NPLOC4: variants seen among roughly 807,000 people sequenced by gnomAD.
NPLOC4 encodes the protein nuclear protein localization protein 4 homolog.
NPLOC4 carries 18 observed loss-of-function variants against 80.6 expected under a neutral mutation model. The ratio of observed to expected loss-of-function variants is 0.22; its 90% CI spans 0.15 to 0.33. NPLOC4 has a LOEUF of 0.33. Among genes scored for constraint, NPLOC4 ranks in the 10% least tolerant of loss-of-function variants. NPLOC4 has a pLI of 1.00. For missense variants in NPLOC4, 540 were observed against 786.1 expected (o/e 0.69, Z 3.74); for synonymous variants, 313 against 301.5 (o/e 1.04, Z -0.39).
At position 81,572,325 on chromosome 17, in the gene NPLOC4, A is replaced by C. The variant is rs1339684691; in HGVS notation, c.1282-237T>G. Among the ~76,000 whole-genome samples, 2 of 151,884 alleles carry C rather than the reference A, an allele frequency of 1.3e-5. No individual in the cohort carries two copies. Among genetic ancestry groups the C allele is most frequent in the African/African-American group, 4.8e-5 (2 of 41,312 alleles). ...TGCCTCAGCCTCCCAAGTAGCTGGG[A>C]CTACAGGCGCCCGCCACCACGCCCG... On this transcript the variant is annotated intron_variant, in intron 12 of 16. Coordinates refer to ENST00000331134, the MANE Select transcript of NPLOC4 (RefSeq NM_017921.4). This position sits in a 1 kb window ranked among gnomAD's most constrained non-coding sequence, Gnocchi z 4.5.
chr17:81,602,895 A>G (rs1050036599), intron 8 of NPLOC4, among the ~76,000 whole-genome samples: 5 of 151,470 alleles, frequency 3.3e-5, no homozygotes, highest in Admixed American at 1.3e-4. Context: ...ATATGTATAT[A>G]CACATACATA....
chr17:81,620,270 G>C (rs545400732), intron 3 of NPLOC4, among the ~76,000 whole-genome samples: 141 of 152,292 alleles, frequency 9.3e-4, no homozygotes, highest in South Asian at 1.7e-3. Flanking sequence ...GGCCAAGGCG[G>C]GTGGATCACG....
chr17:81,597,292 C>A lies in NPLOC4; in HGVS notation c.946G>T (p.Val316Phe). The A allele has an allele frequency of 6.2e-7, 1 of 1,613,412 alleles. No individual in the cohort carries two copies. Among genetic ancestry groups the A allele is most frequent in the Non-Finnish European group, 8.5e-7 (1 of 1,179,496 alleles). Residue 316 changes from valine (V) to phenylalanine (F), a missense_variant, in exon 10 of 17, where the codon GTC (valine) becomes TTC (phenylalanine). Coordinates refer to ENST00000331134, the MANE Select transcript of NPLOC4 (RefSeq NM_017921.4). ...RKVGWIFTDL[V>F]SEDTRKGTVR... is the part of the protein sequence containing the mutation. ...GTACCCTTTCGGGTATCTTCTGAGA[C>A]GAGGTCTGTAAATATCCAGCCAACC...
At chr17:81,584,413 C>A (rs139966500) in intron 12 of NPLOC4, among the ~76,000 whole-genome samples, 1 of 152,124 alleles carries the variant, frequency 6.6e-6, no homozygotes, top group South Asian at 2.1e-4. Context: ...CTTACAATAA[C>A]GCATGGAAAT....
Position 81,631,127 on chromosome 17 carries a change from C to G in NPLOC4, c.16-1322G>C, listed in dbSNP as rs185433750. On this transcript the variant is annotated intron_variant, in intron 1 of 16. Transcript: ENST00000331134. Reference sequence around the variant, plus strand: ...GGCAGAGGTTGCAGTGAGCCAAGATCGTGCCATTGCGTGACGAAGAGCAAG... The same window carrying G: ...GGCAGAGGTTGCAGTGAGCCAAGATGGTGCCATTGCGTGACGAAGAGCAAG... Among the ~76,000 whole-genome samples, 62 of 151,444 alleles carry G rather than the reference C, an allele frequency of 4.1e-4. No individual in the cohort carries two copies. In the East Asian group the frequency reaches 0.01, roughly 26 times the overall value.
chr17:81,631,261 T>C (rs1160412384), intron 1 of NPLOC4, among the ~76,000 whole-genome samples: 1 of 151,442 alleles, frequency 6.6e-6, no homozygotes, highest in East Asian at 1.9e-4. Context: ...AAAAATATTT[T>C]CAGCTGGGCA....
chr17:81,567,719 C>G lies in NPLOC4; in HGVS notation c.1450-186G>C, dbSNP rs1000342040. Among the ~76,000 whole-genome samples the G allele has an allele frequency of 6.6e-6, 1 of 152,202 alleles. No homozygotes were observed. Among genetic ancestry groups the G allele is most frequent in the Non-Finnish European group, 1.5e-5 (1 of 68,044 alleles). ...GGCAGCTGCAAAGCAAGCTCTTGCT[C>G]TCTTCTCCCAAGAAGATGCTCTCAG... On this transcript the variant is annotated intron_variant, in intron 14 of 16. Transcript: ENST00000331134. The surrounding 1 kb of genome is among the most constrained non-coding windows in gnomAD (Gnocchi z 4.5).
intron 3 of NPLOC4, among the ~76,000 whole-genome samples, chr17:81,618,014 T>G (rs1293587213): frequency 6.6e-6 from 1 of 152,090 alleles, no homozygotes; most frequent in Non-Finnish European, 1.5e-5. Flanking sequence ...CTACAACCTC[T>G]ACCTCCCAGC....
At chr17:81,626,701 C>T (rs1227525608) in intron 2 of NPLOC4, among the ~76,000 whole-genome samples, 2 of 152,004 alleles carry the variant, frequency 1.3e-5, no homozygotes, top group South Asian at 2.1e-4. Flanking sequence ...AGGAAGCTCA[C>T]GTGGGAGGAT....
intron 1 of NPLOC4, 66 bp downstream of exon 1, chr17:81,636,850 G>A: frequency 7.3e-7 from 1 of 1,367,546 alleles, no homozygotes; most frequent in Non-Finnish European, 9.5e-7. Flanking sequence ...CTCCCCCACA[G>A]GCCGAGGCCG....
intron 1 of NPLOC4, chr17:81,636,623 G>A (rs894360614): frequency 9.5e-6 from 3 of 314,222 alleles, no homozygotes; most frequent in Non-Finnish European, 1.7e-5. Flanking sequence ...TGGGGAAGGA[G>A]GGCGGTTTCT....
At chr17:81,593,347 G>A (rs988061908) in intron 11 of NPLOC4, among the ~76,000 whole-genome samples, 2 of 152,044 alleles carry the variant, frequency 1.3e-5, no homozygotes, top group Admixed American at 6.6e-5. Context: ...CCAGCCCTGT[G>A]CTCAGCCCTT....
intron 12 of NPLOC4, among the ~76,000 whole-genome samples, chr17:81,573,851 C>T (rs1452482843): frequency 2.0e-5 from 3 of 152,242 alleles, no homozygotes; most frequent in African/African-American, 7.2e-5. Flanking sequence ...TGCAAATACA[C>T]AGCTCTGCTC....
chr17:81,571,727 G>C (rs529032829), intron 13 of NPLOC4, among the ~76,000 whole-genome samples: 5 of 152,344 alleles, frequency 3.3e-5, no homozygotes, highest in Admixed American at 2.6e-4. Context: ...CCTGGGGTCA[G>C]TGGTCCTTTG....
intron 1 of NPLOC4, 33 bp downstream of exon 1, chr17:81,636,883 G>A (rs763112153): frequency 1.4e-6 from 2 of 1,405,960 alleles, no homozygotes; most frequent in Non-Finnish European, 1.9e-6. Context: ...CCTCATCCCG[G>A]CGTCCCCGCT....
chr17:81,624,187 G>A (rs953855975), intron 2 of NPLOC4, among the ~76,000 whole-genome samples: 1 of 152,162 alleles, frequency 6.6e-6, no homozygotes. Context: ...CTGGGAGGCC[G>A]AGGTGGGCGG....
Position 81,567,679 on chromosome 17 carries a change from C to A in NPLOC4, c.1450-146G>T. ...TGCCTCTGCAACCACGAACAGGGTC[C>A]AAGAAAGAGGAGCAGGCAGCTGCAA... is the stretch of plus-strand genomic sequence containing the variant. On this transcript the variant is annotated intron_variant, in intron 14 of 16. Transcript: ENST00000331134. The surrounding 1 kb of genome is among the most constrained non-coding windows in gnomAD (Gnocchi z 4.5). 1 of 613,898 alleles carries A rather than the reference C, an allele frequency of 1.6e-6. No homozygotes were observed. 38.0% of individuals were successfully genotyped at this position (613,898 alleles called of 1,614,324 possible). A position where few individuals can be genotyped will look rare whatever the true frequency, so the allele number is the denominator to read the frequency against.
At chr17:81,630,069 A>AT (rs140394336) in intron 1 of NPLOC4, among the ~76,000 whole-genome samples, 3,965 of 152,062 alleles carry the variant, frequency 0.026, 168 homozygotes, top group African/African-American at 0.091. Flanking sequence ...CCTAATCACT[A>AT]TTTATAGAGT....
intron 1 of NPLOC4, 75 bp from the exon 2 acceptor site, chr17:81,629,880 G>T: frequency 3.6e-6 from 4 of 1,100,700 alleles, no homozygotes; most frequent in Admixed American, 1.8e-5. Flanking sequence ...TTCCATCTGT[G>T]GTCTTTTAGC....
Sources: allele counts gnomAD v4.1 joint callset (sites outside exome capture counted in the v4.1 genomes callset), GRCh38; gene constraint gnomAD v4.1.1; non-coding constraint Gnocchi (gnomAD v3.1); transcripts MANE v1.5; gene names NCBI Gene and HGNC (gene_info 2026-07-23, HGNC 2026-07-21).